RUFY4: variants seen among roughly 807,000 people sequenced by gnomAD.
RUFY4 encodes the protein RUN and FYVE domain containing 4.
Under a neutral mutation model 69.0 loss-of-function variants are expected in RUFY4, and 73 were observed. The observed-to-expected ratio is 1.06, with a 90% confidence interval of 0.88 to 1.29. RUFY4 has a LOEUF of 1.29. RUFY4 is among the 50% of genes most tolerant of loss of function. The probability of loss-of-function intolerance (pLI) is 0.00; values close to 1 mark genes in which losing one functional copy is unlikely to be tolerated. For missense variants in RUFY4, 770 were observed against 705.6 expected (o/e 1.09, Z -1.03); for synonymous variants, 287 against 271.8 (o/e 1.06, Z -0.55).
intron 2 of RUFY4, among the ~76,000 whole-genome samples, chr2:218,056,764 T>C (rs1223098071): frequency 6.6e-6 from 1 of 152,210 alleles, no homozygotes; most frequent in Admixed American, 6.5e-5. Context: ...AGACCAGTTT[T>C]ACCAAGTAGC....
At position 218,082,523 on chromosome 2, in the gene RUFY4, G is replaced by A. The variant is rs373456266; in HGVS notation, c.1356-587G>A. Among the ~76,000 whole-genome samples, 11 of 152,318 alleles carry A rather than the reference G, an allele frequency of 7.2e-5. No individual in the cohort carries two copies. The South Asian group carries it at 1.2e-3, about 17-fold the overall frequency. On this transcript the variant is annotated intron_variant, in intron 8 of 10. Coordinates refer to ENST00000344321, the Ensembl canonical transcript of RUFY4. The stretch of plus-strand genomic sequence containing the variant: ...AAAGGAAAACTCAAGGCAGGGCCCT[G>A]TTTTCATTTCTCTGAATGGTTGGTG...
intron 2 of RUFY4, among the ~76,000 whole-genome samples, chr2:218,053,177 T>C (rs1366697315): frequency 6.6e-6 from 1 of 152,078 alleles, no homozygotes; most frequent in Non-Finnish European, 1.5e-5. Flanking sequence ...TTTGACAAAC[T>C]TCCCTAAAAT....
rs918930109 is a variant in RUFY4, at chr2:218,075,094, T to G, written c.602T>G (p.Ile201Ser). 1.1e-5 allele frequency: 16 copies of G among 1,521,338 alleles called. No homozygotes were observed. The highest frequency in any genetic ancestry group is 1.4e-5 in the Non-Finnish European group (16 of 1,130,238). The allele number at this position is 1,521,338 out of a possible 1,614,324, so 94.2% of individuals were successfully genotyped here. ...ACTGGTTTTGGGTCCTCTCCACAGA[T>G]CCCAGCCGCATATGGAGGGCCTGAA... The change falls in exon 7 of 11, where the codon ATC becomes AGC. Residue 201 changes from isoleucine to serine, a missense_variant and splice_region_variant. Transcript: ENST00000344321.
rs1384155896 is a variant in RUFY4, at chr2:218,088,583, G to GT, written c.1503-668dup. On this transcript the variant is annotated intron_variant, in intron 9 of 10. Coordinates refer to ENST00000344321, the Ensembl canonical transcript of RUFY4. Reference sequence around the variant, plus strand: ...TAAGAGACAGTAGGCAAGATGTGCTGTAAGTGTCTGGAGCAAGAAACCCCA... The same window carrying GT: ...TAAGAGACAGTAGGCAAGATGTGCTGTTAAGTGTCTGGAGCAAGAAACCCCA... 2.0e-5 allele frequency among the ~76,000 whole-genome samples: 3 copies of GT among 152,328 alleles called. No individual in the cohort carries two copies. In the East Asian group the frequency reaches 5.8e-4, roughly 29 times the overall value.
intron 2 of RUFY4, among the ~76,000 whole-genome samples, chr2:218,043,742 C>T (rs1485757194): frequency 6.6e-6 from 1 of 152,230 alleles, no homozygotes; most frequent in Non-Finnish European, 1.5e-5. Flanking sequence ...CAGCCCAGCC[C>T]CCAGACTTTG....
chr2:218,064,945 C>A (rs1689289540), upstream of RUFY4, among the ~76,000 whole-genome samples: 1 of 152,122 alleles, frequency 6.6e-6, no homozygotes, highest in Admixed American at 6.5e-5. Context: ...CCTTCATCAC[C>A]CCGATCCCGT....
exon 9 of RUFY4, chr2:218,083,202 G>A: frequency 6.2e-7 from 1 of 1,613,496 alleles, no homozygotes; most frequent in Non-Finnish European, 8.5e-7. Context: ...GAGGAGCTTG[G>A]AGGGCAGCGG....
intron 2 of RUFY4, 89 bp downstream of exon 4, chr2:218,070,948 C>CTGTGG: frequency 2.1e-6 from 2 of 964,748 alleles, no homozygotes; most frequent in Non-Finnish European, 3.1e-6. Context: ...GGAGCCACAG[C>CTGTGG]CCCCTTCCTT....
At chr2:218,055,536 C>T (rs1458679975) in intron 2 of RUFY4, among the ~76,000 whole-genome samples, 4 of 152,168 alleles carry the variant, frequency 2.6e-5, no homozygotes, top group African/African-American at 4.8e-5. Flanking sequence ...AGAATACACT[C>T]GTTATTGCTT....
At chr2:218,050,323 C>G (rs573166951) in intron 2 of RUFY4, among the ~76,000 whole-genome samples, 3 of 152,146 alleles carry the variant, frequency 2.0e-5, no homozygotes, top group Admixed American at 6.5e-5. Context: ...GACAAGAACC[C>G]GGAACTCACC....
At chr2:218,072,277 C>A in intron 2 of RUFY4, 97 bp from the exon 5 acceptor site, 1 of 1,407,304 alleles carries the variant, frequency 7.1e-7, no homozygotes, top group Non-Finnish European at 9.5e-7. Flanking sequence ...CTGCAGGAGC[C>A]CTCTCCTCCA....
intron 2 of RUFY4, among the ~76,000 whole-genome samples, chr2:218,041,904 G>A (rs999260562): frequency 6.6e-5 from 10 of 152,190 alleles, no homozygotes; most frequent in Admixed American, 1.3e-4. Flanking sequence ...GTATGAGCAA[G>A]CAGTATAGCG....
chr2:218,073,284 G>T (rs199659199), exon 5 of RUFY4: 9 of 1,554,128 alleles, frequency 5.8e-6, no homozygotes, highest in Admixed American at 2.0e-5. Context: ...TGCCCAGAAC[G>T]CCAAGAAGAC....
rs953854121 is a variant in RUFY4 at position 218,056,784 on chromosome 2, T to C, written c.-1157-1811T>C. Among the ~76,000 whole-genome samples the C allele has an allele frequency of 4.6e-5, 7 of 152,268 alleles. No homozygotes were observed. In the East Asian group the frequency reaches 1.4e-3, roughly 29 times the overall value. ...AGTTTTACCAAGTAGCTGCTGTGAT[T>C]TCAAGACTAGTTTTATCCAGGCCAG... On this transcript the variant is annotated intron_variant and NMD_transcript_variant, in intron 2 of 13. Transcript: ENST00000457754.
At chr2:218,040,790 C>G (rs79281820) in intron 2 of RUFY4, among the ~76,000 whole-genome samples, 2 of 151,970 alleles carry the variant, frequency 1.3e-5, no homozygotes, top group Non-Finnish European at 2.9e-5. Context: ...TATCATAGAT[C>G]CTCAGGTCTG....
Position 218,053,798 on chromosome 2 carries a change from G to A in RUFY4, c.-1157-4797G>A, listed in dbSNP as rs114147597. 8.5e-3 allele frequency among the ~76,000 whole-genome samples: 1,292 copies of A among 152,130 alleles called. 24 individuals are homozygous for A. The highest frequency in any genetic ancestry group is 0.03 in the African/African-American group (1,234 of 41,480). ...CAGGCGTGAGCCACCGCGCCCAGCC[G>A]CACCCGGCTAATTTTTGTAATTTTT... On this transcript the variant is annotated intron_variant and NMD_transcript_variant, in intron 2 of 13. Coordinates refer to the RUFY4 transcript ENST00000457754.
At chr2:218,044,216 G>A (rs1010116053) in intron 2 of RUFY4, among the ~76,000 whole-genome samples, 6 of 152,196 alleles carry the variant, frequency 3.9e-5, no homozygotes, top group African/African-American at 1.2e-4. Flanking sequence ...GGAGCAGAAG[G>A]CCCAGGCTGC....
At chr2:218,068,780 G>A (rs1689408825), upstream of RUFY4, 1 of 152,378 alleles carries the variant, frequency 6.6e-6, no homozygotes, top group Non-Finnish European at 1.5e-5. Context: ...TCAGGACTAG[G>A]GATTCGGCAC....
chr2:218,081,829 A>G (rs1689765350), intron 8 of RUFY4, among the ~76,000 whole-genome samples: 1 of 152,218 alleles, frequency 6.6e-6, no homozygotes, highest in Non-Finnish European at 1.5e-5. Context: ...TGAGCTGCTG[A>G]CAGTTTGATG....
Sources: allele counts gnomAD v4.1 joint callset (sites outside exome capture counted in the v4.1 genomes callset), GRCh38; gene constraint gnomAD v4.1.1; transcripts MANE v1.5; gene names NCBI Gene and HGNC (gene_info 2026-07-23, HGNC 2026-07-21).